Variants in SESN1 observed in about 807,000 individuals in gnomAD.
SESN1 encodes sestrin 1, also known as sestrin-1.
SESN1 carries 30 observed loss-of-function variants against 59.3 expected under a neutral mutation model. The ratio of observed to expected loss-of-function variants is 0.51; its 90% confidence interval spans 0.38 to 0.69. The LOEUF (loss-of-function observed/expected upper bound fraction) is 0.69, where lower values mean the gene tolerates loss of function less well. Among genes scored for constraint, SESN1 ranks in the 30% least tolerant of loss-of-function variants. The pLI is 0.00. For synonymous variants in SESN1, 197 were observed against 219.9 expected (o/e 0.90, Z 0.92); for missense variants, 566 against 673.0 (o/e 0.84, Z 1.76).
At chr6:109,037,491 A>G (rs2114406931) in intron 1 of SESN1, among the ~76,000 whole-genome samples, 1 of 152,302 alleles carries the variant, frequency 6.6e-6, no homozygotes, top group African/African-American at 2.4e-5. Context: ...ACACAATGCA[A>G]TTATTAATAT....
At chr6:109,066,433 T>A (rs1466335180) in intron 1 of SESN1, among the ~76,000 whole-genome samples, 1 of 151,996 alleles carries the variant, frequency 6.6e-6, no homozygotes, top group East Asian at 1.9e-4. Context: ...GGAATGTGGA[T>A]CCCTCTGGGA....
chr6:109,093,689 T>C (rs1781386636), intron 1 of SESN1, 106 bp downstream of exon 1: 3 of 1,176,508 alleles, frequency 2.5e-6, no homozygotes, highest in East Asian at 2.4e-5. Context: ...AAACTCATAA[T>C]AAAAGTTTAC....
chr6:109,061,289 A>G (rs1780727113), intron 1 of SESN1, among the ~76,000 whole-genome samples: 1 of 152,214 alleles, frequency 6.6e-6, no homozygotes, highest in African/African-American at 2.4e-5. Flanking sequence ...TAAGAAAAAA[A>G]CAGCCTTGAC....
intron 7 of SESN1, 57 bp downstream of exon 7, chr6:108,992,730 T>A: frequency 1.8e-6 from 2 of 1,124,774 alleles, no homozygotes; most frequent in South Asian, 1.2e-5. Flanking sequence ...TGTTTTGTAT[T>A]TTAAGTCAGA....
At chr6:109,093,033 A>G (rs1275253378) in intron 1 of SESN1, among the ~76,000 whole-genome samples, 2 of 152,226 alleles carry the variant, frequency 1.3e-5, no homozygotes, top group African/African-American at 4.8e-5. Context: ...GTGTTGCTGA[A>G]TATTGTCAAT....
chr6:109,074,310 T>C (rs1427120382), intron 1 of SESN1, among the ~76,000 whole-genome samples: 1 of 150,406 alleles, frequency 6.6e-6, no homozygotes, highest in African/African-American at 2.5e-5. Context: ...GTATATACCT[T>C]CTAGATTTAA....
intron 1 of SESN1, among the ~76,000 whole-genome samples, chr6:109,008,251 G>A (rs1779775193): frequency 6.6e-6 from 1 of 152,150 alleles, no homozygotes; most frequent in Admixed American, 6.5e-5. Flanking sequence ...GATGATTGGG[G>A]CTCACTTCTA....
chr6:109,005,910 C>T (rs958398415), intron 1 of SESN1, among the ~76,000 whole-genome samples: 13 of 152,160 alleles, frequency 8.5e-5, no homozygotes, highest in East Asian at 5.8e-4. Flanking sequence ...TCTAATTTCT[C>T]AGAAGTAGCA....
At position 109,014,345 on chromosome 6, in the gene SESN1, T is replaced by G. The variant is rs923152024; in HGVS notation, c.280-12002A>C. On this transcript the variant is annotated intron_variant, in intron 1 of 9. Coordinates refer to ENST00000436639, the MANE Select transcript of SESN1 (RefSeq NM_014454.3). ...CAACACTTTACATGTATAAAGCAGA[T>G]GTAATTATTTTTATTTTACAAATTT... 1.1e-4 allele frequency among the ~76,000 whole-genome samples: 17 copies of G among 152,208 alleles called. 1 individual carries two copies. The highest frequency in any genetic ancestry group is 1.1e-3 in the Admixed American group (17 of 15,282).
At chr6:109,017,722 A>G (rs1455772215) in intron 1 of SESN1, among the ~76,000 whole-genome samples, 1 of 152,220 alleles carries the variant, frequency 6.6e-6, no homozygotes, top group Non-Finnish European at 1.5e-5. Flanking sequence ...GAAGCATTAA[A>G]TAGAGGGTCA....
rs569497502 is a variant in SESN1 at position 109,038,310 on chromosome 6, T to C, written c.280-35967A>G. Among the ~76,000 whole-genome samples, 15 of 152,278 alleles carry C rather than the reference T, an allele frequency of 9.9e-5. No individual in the cohort carries two copies. In the East Asian group the frequency reaches 2.5e-3, roughly 26 times the overall value. ...GATTTCAAGACCAGCCTGGCCAACA[T>C]AGTGAAACCTCGTCTCTACTAAAAA... On this transcript the variant is annotated intron_variant, in intron 1 of 9. Coordinates refer to ENST00000436639, the MANE Select transcript of SESN1 (RefSeq NM_014454.3).
At chr6:109,022,777 C>A (rs763063378) in intron 1 of SESN1, among the ~76,000 whole-genome samples, 1 of 152,054 alleles carries the variant, frequency 6.6e-6, no homozygotes, top group Non-Finnish European at 1.5e-5. Context: ...TACATGCTAT[C>A]TTCATTTTAG....
rs751170091 is a variant in SESN1 at position 109,094,074 on chromosome 6, G to A, written c.-1C>T. 26 of 1,608,730 alleles carry A rather than the reference G, an allele frequency of 1.6e-5. No homozygotes were observed. In the Admixed American group the frequency reaches 2.0e-4, roughly 12 times the overall value. ...TCACTTCATTCTCTCCTTCAGCCAT[G>A]ACAATAGTTTTTCCTTTGCGGTCTT... On this transcript the variant is annotated 5_prime_UTR_variant, in exon 1 of 10. Transcript: ENST00000436639.
At chr6:108,989,594 T>G (rs576707479) in intron 8 of SESN1, among the ~76,000 whole-genome samples, 9 of 143,236 alleles carry the variant, frequency 6.3e-5, no homozygotes, top group South Asian at 4.5e-4. Context: ...TAGAGAGAGA[T>G]AGAGAGAGAT....
chr6:109,036,208 G>T (rs1780245113), intron 1 of SESN1, among the ~76,000 whole-genome samples: 1 of 152,134 alleles, frequency 6.6e-6, no homozygotes, highest in Non-Finnish European at 1.5e-5. Flanking sequence ...TTTTTTCATA[G>T]AAACATTGCT....
rs1779227152 is a variant in SESN1 at position 108,987,408 on chromosome 6, G to A, written c.*136C>T. ...AGCAGTGGTTTTCCACAGAAAAATA[G>A]CAGAAACTAAAGGAATCATGGCACA... is the stretch of plus-strand genomic sequence containing the variant. On this transcript the variant is annotated 3_prime_UTR_variant, in exon 10 of 10. Coordinates refer to ENST00000436639, the MANE Select transcript of SESN1 (RefSeq NM_014454.3). 7.3e-6 allele frequency: 4 copies of A among 544,714 alleles called. No individual in the cohort carries two copies. The Admixed American group carries it at 9.9e-5, about 13-fold the overall frequency. The allele number at this position is 544,714 out of a possible 1,614,324, so 33.7% of individuals were successfully genotyped here. A position where few individuals can be genotyped will look rare whatever the true frequency, so the allele number is the denominator to read the frequency against.
rs140429499 is a variant in SESN1 at position 109,051,559 on chromosome 6, C to T, written c.279+42236G>A. Among the ~76,000 whole-genome samples, 162 of 152,206 alleles carry T rather than the reference C, an allele frequency of 1.1e-3. 2 individuals are homozygous for T. The highest frequency in any genetic ancestry group is 3.5e-3 in the African/African-American group (145 of 41,538). ...ATGGGGTTCTAAAGTATGAAAAACA[C>T]TTAAAAGCTTGTAGAATTACAAAGA... On this transcript the variant is annotated intron_variant, in intron 1 of 9. Coordinates refer to ENST00000436639, the MANE Select transcript of SESN1 (RefSeq NM_014454.3).
In SESN1 at chr6:109,002,312, C is replaced by T; in HGVS notation, c.311G>A (p.Gly104Glu). The stretch of plus-strand genomic sequence containing the variant: ...TGGGATGAATCTGCTTGGTCCCTGT[C>T]CTAGTGGTCGAGGAATTCTAATGCC... ...ELGIRIPRPL[G>E]QGPSRFIPEK... Residue 104 changes from glycine (G) to glutamate (E), a missense_variant, in exon 2 of 10, where the codon GGA becomes GAA. Physicochemically the swap from Gly to Glu is moderately conservative, Grantham distance 98. Transcript: ENST00000436639. 6.2e-7 allele frequency: 1 copy of T among 1,613,420 alleles called. No individual in the cohort carries two copies. Among genetic ancestry groups the T allele is most frequent in the Non-Finnish European group, 8.5e-7 (1 of 1,179,488 alleles).
At chr6:109,006,829 A>G (rs1220494885) in intron 1 of SESN1, among the ~76,000 whole-genome samples, 1 of 152,234 alleles carries the variant, frequency 6.6e-6, no homozygotes, top group Non-Finnish European at 1.5e-5. Context: ...TGGGGTGATC[A>G]TAAGCCAAAC....
Sources: allele counts gnomAD v4.1 joint callset (sites outside exome capture counted in the v4.1 genomes callset), GRCh38; gene constraint gnomAD v4.1.1; transcripts MANE v1.5; gene names NCBI Gene and HGNC (gene_info 2026-07-23, HGNC 2026-07-21).